PPP6R3: variants seen among roughly 807,000 people sequenced by gnomAD.
The protein encoded by PPP6R3 is protein phosphatase 6 regulatory subunit 3.
PPP6R3 carries 38 observed loss-of-function variants against 110.7 expected under a neutral mutation model. The ratio of observed to expected loss-of-function variants is 0.34; its 90% CI spans 0.26 to 0.45. The LOEUF is 0.45. Ranked by LOEUF, PPP6R3 falls within the 20% of genes least tolerant of loss-of-function variation. PPP6R3 has a pLI of 1.00. For synonymous variants in PPP6R3, 369 were observed against 373.5 expected, an observed-to-expected ratio of 0.99 and a Z score of 0.14; for missense variants, 870 against 1,062.4, an observed-to-expected ratio of 0.82 and a Z score of 2.52.
intron 1 of PPP6R3, among the ~76,000 whole-genome samples, chr11:68,492,084 C>T (rs956307190): frequency 2.0e-5 from 3 of 152,116 alleles, no homozygotes; most frequent in Non-Finnish European, 4.4e-5. Context: ...CAGTATTTGT[C>T]CTTTTATCAC....
chr11:68,493,478 G>T (rs2098996068), intron 1 of PPP6R3, among the ~76,000 whole-genome samples: 1 of 151,184 alleles, frequency 6.6e-6, no homozygotes, highest in South Asian at 2.1e-4. Flanking sequence ...TGTCACCCAG[G>T]CTGGTGTGCA....
At position 68,493,273 on chromosome 11, in the gene PPP6R3, A is replaced by C. The variant is rs75307987; in HGVS notation, c.-157-26228A>C. The stretch of plus-strand genomic sequence containing the variant: ...AGGATAACAGTTATTTTAAGGATTA[A>C]ATGATAGTTCATGTAATGTTTATAT... On this transcript the variant is annotated intron_variant, in intron 1 of 23. Transcript: ENST00000393800. Among the ~76,000 whole-genome samples, 1,194 of 152,292 alleles carry C rather than the reference A, an allele frequency of 7.8e-3. 19 individuals carry two copies. The highest frequency in any genetic ancestry group is 0.027 in the African/African-American group (1,130 of 41,544).
chr11:68,577,918 TA>T (rs1388604206), intron 14 of PPP6R3, among the ~76,000 whole-genome samples: 1 of 152,234 alleles, frequency 6.6e-6, no homozygotes, highest in African/African-American at 2.4e-5. Context: ...GTTAGATTGA[TA>T]GGGCCCTTTA....
At chr11:68,612,220 C>T (rs923842291) in intron 23 of PPP6R3, among the ~76,000 whole-genome samples, 9 of 152,150 alleles carry the variant, frequency 5.9e-5, no homozygotes, top group Admixed American at 1.3e-4. Flanking sequence ...CTCTCATACA[C>T]GGAGCCACCA....
At position 68,558,665 on chromosome 11, in the gene PPP6R3, G is replaced by C. The variant is rs769604055; in HGVS notation, c.831G>C (p.Glu277Asp). Residue 277 changes from glutamate (E) to aspartate (D), a missense_variant, in exon 8 of 24, where the codon GAG becomes GAC. Transcript: ENST00000393800. The stretch of plus-strand genomic sequence containing the variant: ...TCCAGATATTGCTGACTTTACTTGA[G>C]ACACGACGACCAACGTAAGCTTTTC... ...SAIQILLTLL[E>D]TRRPTFEGHI... is the part of the protein sequence containing the mutation. 15 of 1,608,664 alleles carry C rather than the reference G, an allele frequency of 9.3e-6. No homozygotes were observed. In the South Asian group the frequency reaches 1.7e-4, roughly 18 times the overall value.
At position 68,511,463 on chromosome 11, in the gene PPP6R3, A is replaced by AGTGTGTGTGTGTGTGT. The variant is rs111457206; in HGVS notation, c.-157-8021_-157-8006dup. 9.4e-3 allele frequency among the ~76,000 whole-genome samples: 1,299 copies of AGTGTGTGTGTGTGTGT among 138,566 alleles called. 12 individuals carry two copies. Among genetic ancestry groups the AGTGTGTGTGTGTGTGT allele is most frequent in the Middle Eastern group, 0.027 (7 of 256 alleles). The allele number at this position is 138,566 out of a possible 152,430, so 90.9% of individuals were successfully genotyped here. A position where few individuals can be genotyped will look rare whatever the true frequency, so the allele number is the denominator to read the frequency against. ...CTCTGGAAATGTGTTACTGTGTTAG[A>AGTGTGTGTGTGTGTGT]GTGTGTGTGTGTGTGTGTGTGTGTG... On this transcript the variant is annotated intron_variant, in intron 1 of 23. Transcript: ENST00000393800.
intron 22 of PPP6R3, chr11:68,609,699 C>A: frequency 6.3e-7 from 1 of 1,576,100 alleles, no homozygotes. Context: ...TTTTGGTTCC[C>A]ACCTGTGTGC....
intron 1 of PPP6R3, among the ~76,000 whole-genome samples, chr11:68,504,669 A>G (rs1038934480): frequency 6.6e-6 from 1 of 152,208 alleles, no homozygotes; most frequent in African/African-American, 2.4e-5. Context: ...GAGCCCTGAA[A>G]GCAGCAATGG....
intron 16 of PPP6R3, among the ~76,000 whole-genome samples, chr11:68,589,450 A>G (rs1470304192): frequency 1.3e-5 from 2 of 152,230 alleles, no homozygotes; most frequent in African/African-American, 2.4e-5. Flanking sequence ...ACTGTACAGA[A>G]TTAACGAGTA....
Position 68,601,962 on chromosome 11 carries a change from G to C in PPP6R3, c.2292G>C (p.Gln764His). The C allele has an allele frequency of 3.7e-6, 6 of 1,611,640 alleles. No individual in the cohort carries two copies. The highest frequency in any genetic ancestry group is 5.1e-6 in the Non-Finnish European group (6 of 1,178,760). The change falls in exon 21 of 24, where the codon CAG (glutamine) becomes CAC (histidine). Residue 764 changes from glutamine (Q) to histidine (H), a missense_variant. By Grantham distance (24) the Gln-to-His change is conservative. Transcript: ENST00000393800. ...CCAGTGCGGCTGCCCTGGCAGTGCA[G>C]CCAGAAGGTGCGTGCAGAGAGGCCT... is the stretch of plus-strand genomic sequence containing the variant. Reference protein sequence around the residue: ...LTPSAAALAVQPEAAGSVAME... With the variant: ...LTPSAAALAVHPEAAGSVAME...
In PPP6R3 at chr11:68,496,853, C is replaced by CTTTTTTTTTTTT. The variant is rs1157617908; in HGVS notation, c.-157-22633_-157-22622dup. Among the ~76,000 whole-genome samples the CTTTTTTTTTTTT allele has an allele frequency of 3.3e-5, 2 of 61,274 alleles. 1 individual carries two copies. Among genetic ancestry groups the CTTTTTTTTTTTT allele is most frequent in the South Asian group, 1.4e-3 (2 of 1,400 alleles). 40.2% of individuals were successfully genotyped at this position (61,274 alleles called of 152,430 possible). On this transcript the variant is annotated intron_variant, in intron 1 of 23. Coordinates refer to ENST00000393800, the MANE Select transcript of PPP6R3 (RefSeq NM_001164161.2). ...TTTCTTAATTATTCCATATTCTTGT[C>CTTTTTTTTTTTT]TTTTTTTTTTTTTTTTTTTTTTTTT...
chr11:68,460,984 C>T (rs1289081170), intron 1 of PPP6R3, among the ~76,000 whole-genome samples, 157 bp downstream of exon 1: 2 of 151,816 alleles, frequency 1.3e-5, no homozygotes, highest in African/African-American at 2.4e-5. Context: ...CTCCGCGGGC[C>T]CGGGAGGCGC....
rs142916308 is a variant in PPP6R3 at position 68,587,374 on chromosome 11, C to A, written c.1633-553C>A. ...GAAATTATTTTCGTTTTATATTCTT[C>A]CCAGCCTCTAAGACTTAATTTTTTT... On this transcript the variant is annotated intron_variant, in intron 15 of 23. Coordinates refer to ENST00000393800, the MANE Select transcript of PPP6R3 (RefSeq NM_001164161.2). The A allele has an allele frequency of 1.1e-3, 173 of 155,632 alleles. 1 individual carries two copies. Among genetic ancestry groups the A allele is most frequent in the Non-Finnish European group, 1.7e-3 (123 of 70,396 alleles). The allele number at this position is 155,632 out of a possible 1,614,324, so 9.6% of individuals were successfully genotyped here.
chr11:68,466,796 A>G (rs2098750277), intron 1 of PPP6R3, among the ~76,000 whole-genome samples: 1 of 152,226 alleles, frequency 6.6e-6, no homozygotes, highest in African/African-American at 2.4e-5. Context: ...TTGTATTTTT[A>G]TAGAGATGGG....
At chr11:68,487,705 T>G (rs2098957095) in intron 1 of PPP6R3, among the ~76,000 whole-genome samples, 1 of 152,226 alleles carries the variant, frequency 6.6e-6, no homozygotes, top group South Asian at 2.1e-4. Flanking sequence ...TTCAGTTATC[T>G]TTCTGTTATT....
At chr11:68,595,799 A>G (rs1372250746) in intron 18 of PPP6R3, among the ~76,000 whole-genome samples, 1 of 152,232 alleles carries the variant, frequency 6.6e-6, no homozygotes, top group Non-Finnish European at 1.5e-5. Flanking sequence ...TTAGGAAAGT[A>G]CAAATGAACA....
At chr11:68,598,083 C>T (rs1427458290) in intron 19 of PPP6R3, among the ~76,000 whole-genome samples, 1 of 152,096 alleles carries the variant, frequency 6.6e-6, no homozygotes, top group East Asian at 1.9e-4. Flanking sequence ...TTAAACAATT[C>T]CTCATTTCTA....
At chr11:68,609,447 A>T in intron 22 of PPP6R3, 1 of 830,394 alleles carries the variant, frequency 1.2e-6, no homozygotes, top group Non-Finnish European at 2.0e-6. Flanking sequence ...AAAGTGCTTT[A>T]ACTAAAGACT....
At chr11:68,511,356 C>T (rs761640040) in intron 1 of PPP6R3, among the ~76,000 whole-genome samples, 2 of 152,014 alleles carry the variant, frequency 1.3e-5, no homozygotes, top group East Asian at 1.9e-4. Flanking sequence ...TGAGCCACCG[C>T]GCCCGGCCCA....
Sources: gnomAD v4.1 joint callset for allele counts (sites outside exome capture counted in the v4.1 genomes callset) on GRCh38, gnomAD v4.1.1 for gene constraint, MANE v1.5 for transcripts, NCBI Gene and HGNC (gene_info 2026-07-23, HGNC 2026-07-21) for gene names.